MYLK: variants seen among roughly 807,000 people sequenced by gnomAD.
The protein encoded by MYLK is myosin light chain kinase, smooth muscle.
Under a neutral mutation model 203.4 loss-of-function variants are expected in MYLK, and 106 were observed. The observed-to-expected ratio is 0.52, with a 90% confidence interval of 0.45 to 0.61. The LOEUF (loss-of-function observed/expected upper bound fraction) is 0.61, where lower values mean the gene tolerates loss of function less well. Among genes scored for constraint, MYLK ranks in the 20% least tolerant of loss-of-function variants. The probability of loss-of-function intolerance (pLI) is 0.00; values close to 1 mark genes in which losing one functional copy is unlikely to be tolerated. For synonymous variants in MYLK, 867 were observed against 959.5 expected (o/e 0.90, Z 1.78); for missense variants, 2,072 against 2,442.3 (o/e 0.85, Z 3.20).
intron 4 of MYLK, among the ~76,000 whole-genome samples, chr3:123,785,818 A>T (rs1576967933): frequency 6.6e-6 from 1 of 152,234 alleles, no homozygotes; most frequent in East Asian, 1.9e-4. Context: ...GATGCGGCTG[A>T]TGCGGCTGAG....
chr3:123,683,744 A>G (rs1407087108), intron 19 of MYLK, among the ~76,000 whole-genome samples: 1 of 152,126 alleles, frequency 6.6e-6, no homozygotes, highest in Non-Finnish European at 1.5e-5. Context: ...CCCACCAAAG[A>G]CAGCCGAAAG....
intron 22 of MYLK, among the ~76,000 whole-genome samples, chr3:123,664,702 A>G (rs898288660): frequency 1.2e-4 from 19 of 152,242 alleles, no homozygotes; most frequent in Admixed American, 9.8e-4. Context: ...TTAAGTGGAA[A>G]CAACCCAGAT....
Position 123,783,889 on chromosome 3 carries a change from G to A in MYLK, c.165+9788C>T, listed in dbSNP as rs539460401. Among the ~76,000 whole-genome samples, 6 of 152,218 alleles carry A rather than the reference G, an allele frequency of 3.9e-5. No individual in the cohort carries two copies. The South Asian group carries it at 6.2e-4, about 16-fold the overall frequency. ...GTGATGAGAAATTTCTCTGGCTTAC[G>A]GTGCCTCCCTCTTCCTGGCCTTGAC... is the stretch of plus-strand genomic sequence containing the variant. On this transcript the variant is annotated intron_variant, in intron 4 of 33. Transcript: ENST00000360304.
At chr3:123,746,318 C>G (rs372553927) in intron 5 of MYLK, among the ~76,000 whole-genome samples, 1,497 of 8,658 alleles carry the variant, frequency 0.17, 32 homozygotes, top group Middle Eastern at 0.25. Context: ...GCACAAAGTT[C>G]AATAAAATCT....
intron 4 of MYLK, among the ~76,000 whole-genome samples, chr3:123,790,382 C>T (rs1336131660): frequency 2.6e-5 from 4 of 152,156 alleles, no homozygotes; most frequent in Admixed American, 2.6e-4. Flanking sequence ...AGGGCAAAGG[C>T]AAAGGGGCCT....
chr3:123,816,855 G>A (rs184268393), intron 3 of MYLK, among the ~76,000 whole-genome samples: 3 of 152,304 alleles, frequency 2.0e-5, no homozygotes, highest in African/African-American at 7.2e-5. Context: ...CATTTCCGGT[G>A]CCACAGAAAG....
At chr3:123,665,378 G>A (rs1228371706) in intron 22 of MYLK, among the ~76,000 whole-genome samples, 2 of 152,162 alleles carry the variant, frequency 1.3e-5, no homozygotes, top group South Asian at 2.1e-4. Flanking sequence ...TCCAGATGTC[G>A]CTCAGGGCAA....
chr3:123,690,248 A>C (rs1289766771), intron 19 of MYLK, among the ~76,000 whole-genome samples: 1 of 152,262 alleles, frequency 6.6e-6, no homozygotes, highest in South Asian at 2.1e-4. Context: ...AAGAGCCCAC[A>C]CAATGGCTGG....
chr3:123,688,926 A>G (rs1299908684), intron 19 of MYLK, among the ~76,000 whole-genome samples: 1 of 152,140 alleles, frequency 6.6e-6, no homozygotes. Flanking sequence ...AGGATATGAC[A>G]CAGCTGTTCA....
intron 2 of MYLK, among the ~76,000 whole-genome samples, chr3:123,868,096 A>G (rs1020428878): frequency 2.4e-4 from 36 of 152,326 alleles, no homozygotes; most frequent in African/African-American, 8.2e-4. Context: ...ATAATCCTCA[A>G]TGACTGATAA....
At chr3:123,732,167 G>A (rs1037997027) in intron 11 of MYLK, among the ~76,000 whole-genome samples, 1 of 152,006 alleles carries the variant, frequency 6.6e-6, no homozygotes, top group African/African-American at 2.4e-5. Context: ...AGAGTAAGGG[G>A]GAAATTTTAT....
intron 19 of MYLK, among the ~76,000 whole-genome samples, chr3:123,689,343 C>T (rs1160049786): frequency 6.6e-6 from 1 of 152,092 alleles, no homozygotes; most frequent in African/African-American, 2.4e-5. Flanking sequence ...TTACTGAGTC[C>T]CACGTGCAGA....
chr3:123,801,781 A>C (rs1415734356), intron 3 of MYLK, among the ~76,000 whole-genome samples: 1 of 152,176 alleles, frequency 6.6e-6, no homozygotes, highest in African/African-American at 2.4e-5. Flanking sequence ...TGGCTGCATA[A>C]TAGTCTATGG....
chr3:123,699,881 G>T, intron 18 of MYLK, 139 bp downstream of exon 18: 1 of 1,130,624 alleles, frequency 8.8e-7, no homozygotes, highest in Non-Finnish European at 1.3e-6. Flanking sequence ...CTCCTACCCA[G>T]CAGGCCCTCC....
At chr3:123,614,372 A>G in intron 33 of MYLK, 23 bp from the exon 34 acceptor site, 1 of 1,614,040 alleles carries the variant, frequency 6.2e-7, no homozygotes, top group Non-Finnish European at 8.5e-7. Flanking sequence ...GAGAGAACAC[A>G]AGTTGCAGGA....
intron 7 of MYLK, 71 bp downstream of exon 7, chr3:123,738,826 G>A: frequency 3.9e-6 from 6 of 1,542,870 alleles, no homozygotes; most frequent in Non-Finnish European, 5.3e-6. Context: ...CCAGTCTCGG[G>A]TATGTCTATT....
At chr3:123,798,160 C>A (rs759412926) in intron 3 of MYLK, among the ~76,000 whole-genome samples, 9 of 152,208 alleles carry the variant, frequency 5.9e-5, no homozygotes, top group Non-Finnish European at 1.0e-4. Context: ...CTAATGATCA[C>A]CCCTTCACAA....
intron 20 of MYLK, among the ~76,000 whole-genome samples, chr3:123,672,148 G>A (rs760622916): frequency 1.3e-5 from 2 of 151,678 alleles, no homozygotes; most frequent in African/African-American, 2.4e-5. Flanking sequence ...GTGGGCCATA[G>A]TCCAATTTGG....
intron 4 of MYLK, among the ~76,000 whole-genome samples, chr3:123,758,389 C>T (rs1461144399): frequency 1.3e-5 from 2 of 152,216 alleles, no homozygotes; most frequent in African/African-American, 4.8e-5. Context: ...CCATGTCCAA[C>T]TTGTAAACCA....
Sources: gnomAD v4.1 joint callset for allele counts (sites outside exome capture counted in the v4.1 genomes callset) on GRCh38, gnomAD v4.1.1 for gene constraint, MANE v1.5 for transcripts, NCBI Gene and HGNC (gene_info 2026-07-23, HGNC 2026-07-21) for gene names.